DCC: variants seen among roughly 807,000 people sequenced by gnomAD.
The protein encoded by DCC is DCC netrin 1 receptor, also known as netrin receptor DCC.
DCC carries 58 observed loss-of-function variants against 172.5 expected under a neutral mutation model. The ratio of observed to expected loss-of-function variants is 0.34; its 90% CI spans 0.27 to 0.42. DCC has a LOEUF of 0.42. DCC is among the 10% of genes least tolerant of loss of function. DCC has a pLI of 1.00. For missense variants in DCC, 1,740 were observed against 1,791.0 expected, an observed-to-expected ratio of 0.97 and a Z score of 0.51; for synonymous variants, 709 against 644.5, an observed-to-expected ratio of 1.10 and a Z score of -1.52.
intron 1 of DCC, among the ~76,000 whole-genome samples, chr18:52,650,525 G>GT (rs1008001749): frequency 7.3e-5 from 11 of 151,530 alleles, no homozygotes; most frequent in Admixed American, 3.3e-4. Flanking sequence ...GCCAACCTCT[G>GT]TTTTTTTTGT....
At chr18:53,089,128 C>A (rs2042964806) in intron 7 of DCC, among the ~76,000 whole-genome samples, 2 of 152,152 alleles carry the variant, frequency 1.3e-5, no homozygotes, top group African/African-American at 4.8e-5. Context: ...CTCTGCCTCC[C>A]AGGCTGGAGT....
chr18:52,828,801 G>A (rs778445793), intron 2 of DCC, among the ~76,000 whole-genome samples: 4 of 152,100 alleles, frequency 2.6e-5, no homozygotes, highest in African/African-American at 9.7e-5. Context: ...TAAGTGCTTT[G>A]GTGCTGTATG....
intron 15 of DCC, among the ~76,000 whole-genome samples, chr18:53,360,908 TG>T (rs1208782826): frequency 6.6e-6 from 1 of 152,176 alleles, no homozygotes; most frequent in Non-Finnish European, 1.5e-5. Flanking sequence ...AAAGGTGTAC[TG>T]GTTTGAAGGG....
intron 5 of DCC, among the ~76,000 whole-genome samples, chr18:53,027,424 T>G (rs957068169): frequency 3.9e-5 from 6 of 152,132 alleles, no homozygotes; most frequent in African/African-American, 1.4e-4. Flanking sequence ...TCACAGTTTA[T>G]AAAGTTTATA....
chr18:53,140,444 G>C (rs528018425), intron 7 of DCC, among the ~76,000 whole-genome samples: 1 of 152,234 alleles, frequency 6.6e-6, no homozygotes, highest in East Asian at 1.9e-4. Flanking sequence ...GAATGGAGTT[G>C]GGAGAATATT....
At chr18:53,351,305 A>AG (rs1224460604) in intron 15 of DCC, among the ~76,000 whole-genome samples, 1 of 26,676 alleles carries the variant, frequency 3.7e-5, no homozygotes, top group Non-Finnish European at 1.3e-4. Context: ...ATATATATAT[A>AG]TATATATATA....
At chr18:53,499,604 A>ATATC in intron 27 of DCC, 94 bp downstream of exon 27, 2 of 1,012,562 alleles carry the variant, frequency 2.0e-6, no homozygotes, top group East Asian at 2.4e-5. Flanking sequence ...TAGATGTCAT[A>ATATC]TATCTTTTCA....
chr18:52,637,029 C>T (rs1446060542), intron 1 of DCC, among the ~76,000 whole-genome samples: 1 of 152,164 alleles, frequency 6.6e-6, no homozygotes, highest in East Asian at 1.9e-4. Context: ...AGCCTGGAGC[C>T]AGGTAGATTT....
At chr18:53,133,971 T>C (rs1046932476) in intron 7 of DCC, among the ~76,000 whole-genome samples, 2 of 152,164 alleles carry the variant, frequency 1.3e-5, no homozygotes, top group Admixed American at 1.3e-4. Flanking sequence ...TGAATTTTAT[T>C]GGAGAGCAAG....
At chr18:52,795,002 T>C (rs1280245605) in intron 2 of DCC, among the ~76,000 whole-genome samples, 1 of 152,046 alleles carries the variant, frequency 6.6e-6, no homozygotes, top group Non-Finnish European at 1.5e-5. Context: ...GTATTATCTT[T>C]TCAATGTGTT....
At chr18:53,088,294 A>C (rs1487832953) in intron 7 of DCC, among the ~76,000 whole-genome samples, 1 of 152,128 alleles carries the variant, frequency 6.6e-6, no homozygotes, top group Non-Finnish European at 1.5e-5. Flanking sequence ...AGTGGTTTGT[A>C]GTTCTCCTTG....
chr18:52,736,960 C>G (rs753953021), intron 1 of DCC, among the ~76,000 whole-genome samples: 18 of 152,104 alleles, frequency 1.2e-4, no homozygotes, highest in Non-Finnish European at 2.4e-4. Context: ...TCTGACCTTA[C>G]TTTGGCTTTC....
At chr18:53,477,897 T>G (rs1270740102) in intron 25 of DCC, among the ~76,000 whole-genome samples, 1 of 152,236 alleles carries the variant, frequency 6.6e-6, no homozygotes, top group African/African-American at 2.4e-5. Context: ...CCAGCCTAGT[T>G]ACCCTTACCA....
chr18:52,718,403 A>T (rs192942272), intron 1 of DCC, among the ~76,000 whole-genome samples: 19 of 152,280 alleles, frequency 1.2e-4, no homozygotes, highest in African/African-American at 4.3e-4. Flanking sequence ...TAAGGATGAC[A>T]GGGCAAGGTT....
intron 1 of DCC, among the ~76,000 whole-genome samples, chr18:52,417,952 A>G (rs925101254): frequency 6.6e-6 from 1 of 152,210 alleles, no homozygotes; most frequent in Non-Finnish European, 1.5e-5. Flanking sequence ...CAGCAGGACC[A>G]TAGCGCAGCT....
At chr18:52,734,776 TA>T (rs2036699780) in intron 1 of DCC, among the ~76,000 whole-genome samples, 2 of 152,100 alleles carry the variant, frequency 1.3e-5, no homozygotes, top group Admixed American at 6.6e-5. Context: ...GTTCAATACT[TA>T]AAAAAAGTTA....
chr18:53,356,755 C>T (rs1235174362), intron 15 of DCC, among the ~76,000 whole-genome samples: 1 of 152,156 alleles, frequency 6.6e-6, no homozygotes, highest in African/African-American at 2.4e-5. Context: ...CTCCAGAGCT[C>T]TCCTGAGAAT....
At chr18:53,096,265 A>G (rs998756172) in intron 7 of DCC, among the ~76,000 whole-genome samples, 1 of 152,242 alleles carries the variant, frequency 6.6e-6, no homozygotes, top group Admixed American at 6.5e-5. Context: ...CTTGAGCCTG[A>G]GGGCCCAAGG....
intron 2 of DCC, among the ~76,000 whole-genome samples, chr18:52,877,579 C>T (rs1047930277): frequency 8.6e-5 from 13 of 151,856 alleles, no homozygotes; most frequent in African/African-American, 3.1e-4. Flanking sequence ...TGGTGGTGTG[C>T]ACCTTTAATC....
Sources: allele counts gnomAD v4.1 joint callset (sites outside exome capture counted in the v4.1 genomes callset), GRCh38; gene constraint gnomAD v4.1.1; transcripts MANE v1.5; gene names NCBI Gene and HGNC (gene_info 2026-07-23, HGNC 2026-07-21).